PLEKHG2: variants seen among roughly 807,000 people sequenced by gnomAD.
PLEKHG2 encodes the protein pleckstrin homology domain-containing family G member 2.
PLEKHG2 carries 71 observed loss-of-function variants against 104.4 expected under a neutral mutation model. The ratio of observed to expected loss-of-function variants is 0.68; its 90% CI spans 0.56 to 0.83. The LOEUF is 0.83. Ranked by LOEUF, PLEKHG2 falls within the 40% of genes least tolerant of loss-of-function variation. The pLI, the probability that PLEKHG2 is intolerant of heterozygous loss-of-function variation, is 0.00. For missense variants in PLEKHG2, 1,730 were observed against 1,809.4 expected (o/e 0.96, Z 0.80); for synonymous variants, 728 against 737.0 (o/e 0.99, Z 0.20).
chr19:39,414,889 C>T (rs1199165356), intron 2 of PLEKHG2, 103 bp from the exon 3 acceptor site: 16 of 1,327,956 alleles, frequency 1.2e-5, no homozygotes, highest in Non-Finnish European at 1.5e-5. Flanking sequence ...TGTGGGAAAG[C>T]TGTTGGACAG....
Position 39,425,130 on chromosome 19 carries a change from C to G in PLEKHG2, c.3997C>G (p.Leu1333Val), listed in dbSNP as rs1171703062. The G allele has an allele frequency of 6.3e-7, 1 of 1,586,656 alleles. No homozygotes were observed. ...GCCACCACCTCCCCCAGCCAGGCGGCTCAGCTATGCCACGACGGTTAACAT... is the reference window on the plus strand; with the variant it reads ...GCCACCACCTCCCCCAGCCAGGCGGGTCAGCTATGCCACGACGGTTAACAT... The part of the protein sequence containing the change: ...PQPPPPPARR[L>V]SYATTVNIHV... Residue 1333 changes from leucine to valine, a missense_variant, in exon 19 of 19, where the codon CTC becomes GTC. Physicochemically the swap from Leu to Val is conservative, Grantham distance 32. Transcript: ENST00000425673.
At chr19:39,420,484 A>G in intron 11 of PLEKHG2, 142 bp from the exon 12 acceptor site, 1 of 982,050 alleles carries the variant, frequency 1.0e-6, no homozygotes, top group Non-Finnish European at 1.6e-6. Context: ...TGATTGCACC[A>G]CTGTACTCCA....
chr19:39,422,684 C>A, intron 17 of PLEKHG2, 48 bp from the exon 18 acceptor site: 1 of 1,498,900 alleles, frequency 6.7e-7, no homozygotes, highest in Non-Finnish European at 8.9e-7. Context: ...CCACCACACC[C>A]AGCTACCATG....
At position 39,424,030 on chromosome 19, in the gene PLEKHG2, T is replaced by A; in HGVS notation, c.2897T>A (p.Val966Glu). The change falls in exon 19 of 19, where the codon GTG becomes GAG. Residue 966 changes from valine (V) to glutamate (E), a missense_variant. Physicochemically the swap from Val to Glu is moderately radical, Grantham distance 121. Transcript: ENST00000425673. Reference sequence around the variant, plus strand: ...CAAGAAGGCCCCCTGCACCTCCAGGTGCCGGCTCTTACAACTTTCTCTGAT... The same window carrying A: ...CAAGAAGGCCCCCTGCACCTCCAGGAGCCGGCTCTTACAACTTTCTCTGAT... ...PKQEGPLHLQ[V>E]PALTTFSDQG... 6.2e-7 allele frequency: 1 copy of A among 1,613,738 alleles called. No individual in the cohort carries two copies. The highest frequency in any genetic ancestry group is 8.5e-7 in the Non-Finnish European group (1 of 1,179,920).
rs1004881219 is a variant in PLEKHG2, at chr19:39,427,585, C to T, written c.*2291C>T. On this transcript the variant is annotated 3_prime_UTR_variant, in exon 19 of 19. Transcript: ENST00000425673. ...CCTCAGGTGATCCGCCCACCTCGGC[C>T]TCCCAAAGTGTTGGGTTTACAGGCG... The T allele has an allele frequency of 6.6e-6, 1 of 152,212 alleles. No individual in the cohort carries two copies. The highest frequency in any genetic ancestry group is 2.4e-5 in the African/African-American group (1 of 41,444). 9.4% of individuals were successfully genotyped at this position (152,212 alleles called of 1,614,324 possible).
Position 39,415,544 on chromosome 19 carries a change from G to A in PLEKHG2, c.479+105G>A. ...GTGTCCTGTCCAGGCTGGTACGTGG[G>A]GTTGTGACATTGGGCAAGGATCAGG... On this transcript the variant is annotated intron_variant, in intron 4 of 18. Transcript: ENST00000425673. This position sits in a 1 kb window ranked among gnomAD's most constrained non-coding sequence, Gnocchi z 4.6. 7.8e-7 allele frequency: 1 copy of A among 1,280,410 alleles called. No individual in the cohort carries two copies. The highest frequency in any genetic ancestry group is 2.1e-5 in the Admixed American group (1 of 47,690). The allele number at this position is 1,280,410 out of a possible 1,614,324, so 79.3% of individuals were successfully genotyped here.
chr19:39,423,012 G>A lies in PLEKHG2; in HGVS notation c.1958G>A (p.Gly653Asp), dbSNP rs772295586. 15 of 1,614,062 alleles carry A rather than the reference G, an allele frequency of 9.3e-6. No individual in the cohort carries two copies. The African/African-American group carries it at 1.6e-4, about 17-fold the overall frequency. Residue 653 changes from glycine (G) to aspartate (D), a missense_variant, in exon 18 of 19, where the codon GGT becomes GAT. By Grantham distance (94) the Gly-to-Asp change is moderately conservative. Coordinates refer to ENST00000425673, the MANE Select transcript of PLEKHG2 (RefSeq NM_022835.3). ...EIPSRCEIPE[G>D]SRLPSLSDIS... ...CCCAGCCGCTGTGAAATTCCCGAAG[G>A]TTCTCGCCTTCCTAGTCTCTCTGAC...
intron 7 of PLEKHG2, 69 bp downstream of exon 7, chr19:39,417,069 T>TC: frequency 1.3e-6 from 2 of 1,497,826 alleles, no homozygotes; most frequent in African/African-American, 1.4e-5. Flanking sequence ...TGTTGGTTCA[T>TC]CTGGAGGATG....
rs1568401330 is a variant in PLEKHG2, at chr19:39,424,824, G to A, written c.3691G>A (p.Val1231Ile). Residue 1231 changes from valine (V) to isoleucine (I), a missense_variant, in exon 19 of 19, where the codon GTT becomes ATT. Transcript: ENST00000425673. ...CATTCAGGGCCTCTCACCCACCCCA[G>A]TTCAGACCACCATGGTTTTGTCCAA... ...LDIQGLSPTP[V>I]QTTMVLSKPG... 3 of 1,614,070 alleles carry A rather than the reference G, an allele frequency of 1.9e-6. No homozygotes were observed. Among genetic ancestry groups the A allele is most frequent in the African/African-American group, 2.7e-5 (2 of 74,932 alleles).
chr19:39,418,119 T>TG lies in PLEKHG2; in HGVS notation c.1083+18dup, dbSNP rs1184273007. 1 of 1,495,024 alleles carries TG rather than the reference T, an allele frequency of 6.7e-7. No individual in the cohort carries two copies. The highest frequency in any genetic ancestry group is 2.4e-5 in the East Asian group (1 of 42,434). The allele number at this position is 1,495,024 out of a possible 1,614,324, so 92.6% of individuals were successfully genotyped here. On this transcript the variant is annotated intron_variant, in intron 9 of 18. Coordinates refer to ENST00000425673, the MANE Select transcript of PLEKHG2 (RefSeq NM_022835.3). ...GGCCACATCTTCGTGAGTTTGGGGA[T>TG]GGGGTGGGGCTAGAATACTACCTAC... is the stretch of plus-strand genomic sequence containing the variant.
Position 39,425,187 on chromosome 19 carries a change from G to C in PLEKHG2, c.4054G>C (p.Ala1352Pro). 1 of 1,606,242 alleles carries C rather than the reference G, an allele frequency of 6.2e-7. No homozygotes were observed. The highest frequency in any genetic ancestry group is 1.1e-5 in the South Asian group (1 of 90,248). Residue 1352 changes from alanine (A) to proline (P), a missense_variant, in exon 19 of 19, where the codon GCC (alanine) becomes CCC (proline). Coordinates refer to ENST00000425673, the MANE Select transcript of PLEKHG2 (RefSeq NM_022835.3). ...HVGGGGRLRP[A>P]KAQVRLNHPA... The stretch of plus-strand genomic sequence containing the variant: ...GGGCGGGGGTGGGCGGCTGCGGCCA[G>C]CCAAGGCCCAGGTCCGGTTGAACCA...
chr19:39,425,274 G>C lies in PLEKHG2; in HGVS notation c.4141G>C (p.Asp1381His). 1.9e-6 allele frequency: 3 copies of C among 1,612,266 alleles called. No individual in the cohort carries two copies. The highest frequency in any genetic ancestry group is 2.5e-6 in the Non-Finnish European group (3 of 1,179,566). Residue 1381 changes from aspartate (D) to histidine (H), a missense_variant, in exon 19 of 19, where the codon GAT becomes CAT. Asp to His is a moderately conservative substitution (Grantham distance 81, BLOSUM62 -1). Coordinates refer to ENST00000425673, the MANE Select transcript of PLEKHG2 (RefSeq NM_022835.3). The part of the protein sequence containing the change: ...MGLHRAQGAP[D>H]APFHM ...CCTTCACAGGGCCCAGGGGGCTCCT[G>C]ATGCCCCCTTCCACATGTGAGCCAG...
In PLEKHG2 at chr19:39,424,685, A is replaced by C; in HGVS notation, c.3552A>C (p.Pro1184=). 6.2e-7 allele frequency: 1 copy of C among 1,614,184 alleles called. No homozygotes were observed. The highest frequency in any genetic ancestry group is 8.5e-7 in the Non-Finnish European group (1 of 1,180,036). The change falls in exon 19 of 19, where the codon CCA becomes CCC. Residue 1184 remains proline, a synonymous_variant. Coordinates refer to ENST00000425673, the MANE Select transcript of PLEKHG2 (RefSeq NM_022835.3). ...CGGCTGCACCTCCACTTCCGGAGCC[A>C]AGCCTTACAGATACACAGGTCCAAA... The part of the protein sequence containing the change: ...GPAAAPPLPE[P]SLTDTQVQKL...
intron 16 of PLEKHG2, 191 bp from the exon 17 acceptor site, chr19:39,421,924 G>GTAGGCT: frequency 2.2e-6 from 1 of 463,370 alleles, no homozygotes; most frequent in South Asian, 4.5e-5. Flanking sequence ...GGCTGAGGCA[G>GTAGGCT]CAGAATCGCT....
chr19:39,422,669 G>A (rs1408765175), intron 17 of PLEKHG2, 63 bp from the exon 18 acceptor site: 40 of 1,488,152 alleles, frequency 2.7e-5, no homozygotes, highest in African/African-American at 4.2e-5. Flanking sequence ...GATTACAGGC[G>A]TGAGCCACCA....
chr19:39,417,775 C>T, intron 8 of PLEKHG2, 83 bp downstream of exon 8: 1 of 1,527,120 alleles, frequency 6.5e-7, no homozygotes, highest in Non-Finnish European at 8.8e-7. Context: ...ATCAGTGCCT[C>T]AGAGGTAGCC....
At position 39,416,290 on chromosome 19, in the gene PLEKHG2, C is replaced by T. The variant is rs1436688711; in HGVS notation, c.480-58C>T. On this transcript the variant is annotated intron_variant, in intron 4 of 18. Coordinates refer to ENST00000425673, the MANE Select transcript of PLEKHG2 (RefSeq NM_022835.3). The surrounding 1 kb of genome is among the most constrained non-coding windows in gnomAD (Gnocchi z 4.5). ...CATTGGGGCCTCAGCCTCCTGGAGGCCTCCCATGGAGGGGTCGTGAAGGCA... is the reference window on the plus strand; with the variant it reads ...CATTGGGGCCTCAGCCTCCTGGAGGTCTCCCATGGAGGGGTCGTGAAGGCA... The T allele has an allele frequency of 2.5e-6, 4 of 1,568,724 alleles. No homozygotes were observed. The Admixed American group carries it at 6.7e-5, about 26-fold the overall frequency.
In PLEKHG2 at chr19:39,418,124, T is replaced by C. The variant is rs1202881354; in HGVS notation, c.1083+19T>C. ...CATCTTCGTGAGTTTGGGGATGGGG[T>C]GGGGCTAGAATACTACCTACAAAGT... On this transcript the variant is annotated intron_variant, in intron 9 of 18. Transcript: ENST00000425673. 2 of 1,489,880 alleles carry C rather than the reference T, an allele frequency of 1.3e-6. No individual in the cohort carries two copies. The highest frequency in any genetic ancestry group is 2.4e-5 in the East Asian group (1 of 42,188). The allele number at this position is 1,489,880 out of a possible 1,614,324, so 92.3% of individuals were successfully genotyped here.
In PLEKHG2 at chr19:39,413,608, T is replaced by A. The variant is rs1373656974; in HGVS notation, c.-23+196T>A. 6.8e-6 allele frequency: 1 copy of A among 147,062 alleles called. No homozygotes were observed. Among genetic ancestry groups the A allele is most frequent in the Non-Finnish European group, 1.5e-5 (1 of 66,908 alleles). The allele number at this position is 147,062 out of a possible 1,614,324, so 9.1% of individuals were successfully genotyped here. A position where few individuals can be genotyped will look rare whatever the true frequency, so the allele number is the denominator to read the frequency against. On this transcript the variant is annotated intron_variant, in intron 1 of 18. Transcript: ENST00000425673. This position sits in a 1 kb window ranked among gnomAD's most constrained non-coding sequence, Gnocchi z 4.5. ...GTTCGGAGAGACCGGCCGGAGGGGGTGCGAGGGCTCGGGGCCAGCGCCCCA... is the reference window on the plus strand; with the variant it reads ...GTTCGGAGAGACCGGCCGGAGGGGGAGCGAGGGCTCGGGGCCAGCGCCCCA...
Sources: gnomAD v4.1 joint callset for allele counts on GRCh38, gnomAD v4.1.1 for gene constraint, Gnocchi (gnomAD v3.1) non-coding constraint, MANE v1.5 for transcripts, NCBI Gene and HGNC (gene_info 2026-07-23, HGNC 2026-07-21) for gene names.